GALNTL6: variants seen among roughly 807,000 people sequenced by gnomAD.
The protein encoded by GALNTL6 is polypeptide N-acetylgalactosaminyltransferase like 6.
GALNTL6 carries 46 observed loss-of-function variants against 73.7 expected under a neutral mutation model. The observed-to-expected ratio is 0.62, with a 90% CI of 0.49 to 0.80. GALNTL6 has a LOEUF of 0.80. Ranked by LOEUF, GALNTL6 falls within the 30% of genes least tolerant of loss-of-function variation. GALNTL6 has a pLI of 0.00. For synonymous variants in GALNTL6, 259 were observed against 263.7 expected (o/e 0.98, Z 0.17); for missense variants, 604 against 755.0 (o/e 0.80, Z 2.34).
chr4:173,038,395 A>G lies in GALNTL6; in HGVS notation c.1639-1538A>G, dbSNP rs545522392. ...AAGAAGGGCTGGCGGAGTGAGCTGC[A>G]GCCTGCATTCTCCTTCCTCCTGGAA... On this transcript the variant is annotated intron_variant, in intron 12 of 12. Coordinates refer to ENST00000506823, the MANE Select transcript of GALNTL6 (RefSeq NM_001034845.3). Among the ~76,000 whole-genome samples the G allele has an allele frequency of 2.1e-3, 316 of 152,296 alleles. 4 individuals are homozygous for G. Among genetic ancestry groups the G allele is most frequent in the African/African-American group, 6.8e-3 (283 of 41,556 alleles).
chr4:172,073,776 A>G (rs1314372969), intron 2 of GALNTL6, among the ~76,000 whole-genome samples: 1 of 152,254 alleles, frequency 6.6e-6, no homozygotes, highest in Non-Finnish European at 1.5e-5. Context: ...GTTCTCAACT[A>G]CAAAGTGTGT....
intron 2 of GALNTL6, among the ~76,000 whole-genome samples, chr4:172,157,638 C>A (rs1426896995): frequency 1.3e-5 from 2 of 152,110 alleles, no homozygotes; most frequent in African/African-American, 4.8e-5. Context: ...TAGACTCACT[C>A]TTAAGTGCCA....
intron 2 of GALNTL6, among the ~76,000 whole-genome samples, chr4:172,015,438 T>C (rs754435737): frequency 0.012 from 1,696 of 143,004 alleles, 31 homozygotes; most frequent in African/African-American, 0.042. Context: ...GTATGAGTTC[T>C]TGTGTGTTAA....
At chr4:172,810,328 A>G (rs1741216841) in intron 6 of GALNTL6, among the ~76,000 whole-genome samples, 1 of 152,228 alleles carries the variant, frequency 6.6e-6, no homozygotes, top group African/African-American at 2.4e-5. Context: ...AAAATGAAGT[A>G]AAATATAAAG....
intron 2 of GALNTL6, among the ~76,000 whole-genome samples, chr4:172,161,856 AAGATT>A (rs1734480076): frequency 6.6e-6 from 1 of 152,044 alleles, no homozygotes; most frequent in Admixed American, 6.6e-5. Flanking sequence ...CAAGTCAGTA[AAGATT>A]GAGGCAAAGA....
intron 2 of GALNTL6, among the ~76,000 whole-genome samples, chr4:172,013,083 G>C (rs1254801245): frequency 6.6e-6 from 1 of 152,020 alleles, no homozygotes; most frequent in Admixed American, 6.6e-5. Context: ...ATGGGATGCT[G>C]AGTGATATTT....
At chr4:173,017,074 T>G (rs1205771722) in intron 11 of GALNTL6, among the ~76,000 whole-genome samples, 1 of 152,178 alleles carries the variant, frequency 6.6e-6, no homozygotes, top group Non-Finnish European at 1.5e-5. Flanking sequence ...GTTTGCTTTA[T>G]CTTCTACCAT....
intron 2 of GALNTL6, among the ~76,000 whole-genome samples, chr4:171,838,075 T>G (rs1405230258): frequency 6.6e-6 from 1 of 151,874 alleles, no homozygotes; most frequent in African/African-American, 2.4e-5. Context: ...TGCTTTATTG[T>G]GGGTTTAAAA....
chr4:172,724,123 C>A (rs186668220), intron 5 of GALNTL6, among the ~76,000 whole-genome samples: 2 of 152,164 alleles, frequency 1.3e-5, no homozygotes, highest in Admixed American at 6.5e-5. Context: ...TGAACAGAAC[C>A]CTTACTAATT....
At chr4:172,938,969 TTA>T (rs1491421281) in intron 9 of GALNTL6, among the ~76,000 whole-genome samples, 1 of 152,208 alleles carries the variant, frequency 6.6e-6, no homozygotes, top group Non-Finnish European at 1.5e-5. Context: ...CATACTGCAA[TTA>T]TATGTTTGCT....
chr4:172,863,333 C>A (rs529287242), intron 7 of GALNTL6, among the ~76,000 whole-genome samples: 26 of 152,288 alleles, frequency 1.7e-4, no homozygotes, highest in East Asian at 1.9e-4. Flanking sequence ...CCTGGAGAAG[C>A]CACAGGCACT....
intron 5 of GALNTL6, among the ~76,000 whole-genome samples, chr4:172,618,792 C>T (rs7684150): frequency 0.37 from 56,460 of 151,834 alleles, 11,530 homozygotes; most frequent in African/African-American, 0.52. Flanking sequence ...GGTGCAATCA[C>T]GGTTCACTGC....
intron 8 of GALNTL6, among the ~76,000 whole-genome samples, chr4:172,916,573 A>G (rs1370304214): frequency 1.3e-5 from 2 of 152,188 alleles, no homozygotes; most frequent in African/African-American, 2.4e-5. Flanking sequence ...ATCAATGTGC[A>G]AAAATCACAA....
intron 2 of GALNTL6, among the ~76,000 whole-genome samples, chr4:171,887,434 G>A (rs908230734): frequency 6.6e-6 from 1 of 152,188 alleles, no homozygotes; most frequent in African/African-American, 2.4e-5. Context: ...CTTGGAAGCA[G>A]AGAGAAGTAT....
At chr4:172,687,558 G>A (rs1368277861) in intron 5 of GALNTL6, among the ~76,000 whole-genome samples, 4 of 149,590 alleles carry the variant, frequency 2.7e-5, no homozygotes, top group African/African-American at 9.9e-5. Flanking sequence ...AACCCGGGAG[G>A]CAGAGGTTGC....
chr4:172,888,035 G>T (rs912943096), intron 8 of GALNTL6, among the ~76,000 whole-genome samples: 5 of 152,050 alleles, frequency 3.3e-5, no homozygotes, highest in Admixed American at 2.6e-4. Context: ...TTTTAGCAGG[G>T]TTGTTTTTCA....
chr4:172,827,473 A>G (rs1383413904), intron 7 of GALNTL6, among the ~76,000 whole-genome samples: 2 of 152,208 alleles, frequency 1.3e-5, no homozygotes, highest in Non-Finnish European at 2.9e-5. Flanking sequence ...TCTGCAAACC[A>G]TGAATTCTAG....
At chr4:171,859,096 T>A (rs1452728398) in intron 2 of GALNTL6, among the ~76,000 whole-genome samples, 1 of 152,176 alleles carries the variant, frequency 6.6e-6, no homozygotes, top group Non-Finnish European at 1.5e-5. Context: ...TGAGAATACC[T>A]CTCAATGTCA....
chr4:172,012,507 C>G (rs1741045083), intron 2 of GALNTL6, among the ~76,000 whole-genome samples: 1 of 152,042 alleles, frequency 6.6e-6, no homozygotes, highest in African/African-American at 2.4e-5. Flanking sequence ...ATCAGAAGCC[C>G]TATTCTATAG....
Sources: gnomAD v4.1 joint callset for allele counts (sites outside exome capture counted in the v4.1 genomes callset) on GRCh38, gnomAD v4.1.1 for gene constraint, MANE v1.5 for transcripts, NCBI Gene and HGNC (gene_info 2026-07-23, HGNC 2026-07-21) for gene names.